RGS8: variants seen among roughly 807,000 people sequenced by gnomAD.
The protein encoded by RGS8 is regulator of G protein signaling 8, also known as regulator of G-protein signaling 8.
A neutral mutation model predicts 21.7 loss-of-function variants in RGS8; 8 were observed. The observed-to-expected ratio is 0.37, with a 90% CI of 0.22 to 0.66. The LOEUF is 0.66. RGS8 is among the 30% of genes least tolerant of loss of function. RGS8 has a pLI of 0.59. For missense variants in RGS8, 157 were observed against 217.9 expected (o/e 0.72, Z 1.76); for synonymous variants, 80 against 83.6 (o/e 0.96, Z 0.24).
chr1:182,649,455 C>T (rs1202595300), intron 5 of RGS8, among the ~76,000 whole-genome samples: 1 of 152,106 alleles, frequency 6.6e-6, no homozygotes, highest in Non-Finnish European at 1.5e-5. Flanking sequence ...TGTATTTTGA[C>T]CTTTTATTCC....
At chr1:182,721,159 ATCT>A in the RGS8 span, among the ~76,000 whole-genome samples, 2 of 151,110 alleles carry the variant, frequency 1.3e-5, no homozygotes, top group Admixed American at 6.6e-5. Context: ...TCTGATAAAG[ATCT>A]TCTTCACTTT....
At chr1:182,712,112 A>G in the RGS8 span, among the ~76,000 whole-genome samples, 1 of 152,224 alleles carries the variant, frequency 6.6e-6, no homozygotes, top group Non-Finnish European at 1.5e-5. Context: ...TAAGTCACAC[A>G]TAGTAGGGGG....
the RGS8 span, among the ~76,000 whole-genome samples, chr1:182,731,757 A>C: frequency 6.6e-6 from 1 of 152,258 alleles, no homozygotes; most frequent in Non-Finnish European, 1.5e-5. Flanking sequence ...AGTACTTGAG[A>C]ATGTGCTTGG....
At chr1:182,663,017 A>C (rs1663674172) in intron 5 of RGS8, among the ~76,000 whole-genome samples, 2 of 152,114 alleles carry the variant, frequency 1.3e-5, no homozygotes, top group South Asian at 4.1e-4. Flanking sequence ...AGCTGCCTAC[A>C]TGTAGAGAAT....
upstream of RGS8, among the ~76,000 whole-genome samples, chr1:182,686,413 G>A (rs1664710172): frequency 6.6e-6 from 1 of 152,150 alleles, no homozygotes; most frequent in East Asian, 1.9e-4. Context: ...ATTCCTAGGT[G>A]AGAGAAGATG....
chr1:182,735,851 A>T, the RGS8 span, among the ~76,000 whole-genome samples: 4 of 152,226 alleles, frequency 2.6e-5, no homozygotes, highest in African/African-American at 9.6e-5. Context: ...AGACACAGGC[A>T]ATAACCTTAC....
the RGS8 span, among the ~76,000 whole-genome samples, chr1:182,722,001 G>A: frequency 2.0e-5 from 3 of 152,078 alleles, no homozygotes; most frequent in Admixed American, 6.5e-5. Context: ...GATGGAGATC[G>A]GCAAAATCAA....
At chr1:182,685,547 T>G (rs957404044), upstream of RGS8, among the ~76,000 whole-genome samples, 12 of 152,122 alleles carry the variant, frequency 7.9e-5, no homozygotes, top group African/African-American at 2.7e-4. Flanking sequence ...AAGCTGCAGC[T>G]GGGGAACTCT....
upstream of RGS8, chr1:182,673,017 C>T: frequency 1.5e-6 from 1 of 663,968 alleles, no homozygotes; most frequent in African/African-American, 1.8e-5. Context: ...ATCAGCCTTC[C>T]AGGTGACTGT....
At chr1:182,690,771 GCT>G in the RGS8 span, among the ~76,000 whole-genome samples, 1 of 152,150 alleles carries the variant, frequency 6.6e-6, no homozygotes, top group Non-Finnish European at 1.5e-5. Context: ...TTTGTTCACA[GCT>G]CTCTCTATCC....
the RGS8 span, among the ~76,000 whole-genome samples, chr1:182,743,113 T>C: frequency 6.6e-6 from 1 of 152,186 alleles, no homozygotes; most frequent in Admixed American, 6.5e-5. Context: ...CTCATCATTC[T>C]GTGATTCAAA....
the RGS8 span, among the ~76,000 whole-genome samples, chr1:182,750,517 T>C: frequency 1.3e-5 from 2 of 152,230 alleles, no homozygotes; most frequent in South Asian, 2.1e-4. Context: ...TTTTATACAA[T>C]TCTGTCACAA....
At chr1:182,699,709 CG>C in the RGS8 span, among the ~76,000 whole-genome samples, 8 of 152,070 alleles carry the variant, frequency 5.3e-5, no homozygotes, top group African/African-American at 1.9e-4. Context: ...ACGGGATTAC[CG>C]GGGAGGGATA....
At chr1:182,686,379 A>G (rs1200353470), upstream of RGS8, among the ~76,000 whole-genome samples, 1 of 152,210 alleles carries the variant, frequency 6.6e-6, no homozygotes. Context: ...GGAGGCAAGT[A>G]AAGCCCATCA....
the RGS8 span, among the ~76,000 whole-genome samples, chr1:182,737,717 A>G: frequency 3.3e-5 from 5 of 152,320 alleles, 1 homozygote; most frequent in African/African-American, 1.2e-4. Flanking sequence ...GCATGAGAAC[A>G]GACTAATAAA....
At chr1:182,702,058 G>T in the RGS8 span, among the ~76,000 whole-genome samples, 1 of 152,208 alleles carries the variant, frequency 6.6e-6, no homozygotes, top group Non-Finnish European at 1.5e-5. Context: ...GCTGCCATCT[G>T]ACCCAGCAAT....
chr1:182,644,592 G>T (rs1222330003), downstream of RGS8: 1 of 152,182 alleles, frequency 6.6e-6, no homozygotes, highest in Non-Finnish European at 1.5e-5. Flanking sequence ...CGACACTCTT[G>T]TTCAGGCTTT....
chr1:182,680,531 C>T (rs991316659), intron 1 of RGS8, among the ~76,000 whole-genome samples: 1 of 152,148 alleles, frequency 6.6e-6, no homozygotes. Flanking sequence ...CTTCCAGGCA[C>T]ACTTCTCTAT....
At chr1:182,724,586 A>G in the RGS8 span, among the ~76,000 whole-genome samples, 1 of 151,902 alleles carries the variant, frequency 6.6e-6, no homozygotes. Context: ...GAGACGGAGT[A>G]TTGCTCTGTC....
Sources: gnomAD v4.1 joint callset for allele counts (sites outside exome capture counted in the v4.1 genomes callset) on GRCh38, gnomAD v4.1.1 for gene constraint, MANE v1.5 for transcripts, NCBI Gene and HGNC (gene_info 2026-07-23, HGNC 2026-07-21) for gene names.